The following SH3GL1 variants were observed in gnomAD, a reference collection of about 807,000 sequenced individuals.
SH3GL1 encodes the protein SH3 domain containing GRB2 like 1, endophilin A2.
In SH3GL1, 21 loss-of-function variants were observed where a neutral mutation model predicts 48.8. The ratio of observed to expected loss-of-function variants is 0.43; its 90% CI spans 0.30 to 0.62. The LOEUF (loss-of-function observed/expected upper bound fraction) is 0.62. Among genes scored for constraint, SH3GL1 ranks in the 20% least tolerant of loss-of-function variants. The pLI is 0.11. For synonymous variants in SH3GL1, 282 were observed against 217.5 expected (o/e 1.30, Z -2.61); for missense variants, 454 against 503.0 (o/e 0.90, Z 0.93).
At chr19:4,363,507 A>T in intron 6 of SH3GL1, 34 bp from the exon 7 acceptor site, 1 of 1,578,812 alleles carries the variant, frequency 6.3e-7, no homozygotes, top group Non-Finnish European at 8.7e-7. Context: ...GGCTCCTGCC[A>T]GTGCCACTGT....
In SH3GL1 at chr19:4,361,370, C is replaced by T. The variant is rs1028842259; in HGVS notation, c.*230G>A. 3.7e-5 allele frequency: 20 copies of T among 540,082 alleles called. No homozygotes were observed. The highest frequency in any genetic ancestry group is 2.5e-4 in the African/African-American group (13 of 52,032). The allele number at this position is 540,082 out of a possible 1,614,324, so 33.5% of individuals were successfully genotyped here. A position where few individuals can be genotyped will look rare whatever the true frequency, so the allele number is the denominator to read the frequency against. On this transcript the variant is annotated 3_prime_UTR_variant, in exon 10 of 10. Transcript: ENST00000269886. ...GGCGCCATGGAGTGGGGAAGGGAGC[C>T]GTCACCGTTGGGAGTCAGCGCTAGT... is the stretch of plus-strand genomic sequence containing the variant.
intron 1 of SH3GL1, among the ~76,000 whole-genome samples, chr19:4,372,808 T>C (rs1482715920): frequency 2.0e-5 from 3 of 152,156 alleles, no homozygotes; most frequent in Admixed American, 6.5e-5. Context: ...CCCTTTTCCA[T>C]GTGGGCTCCC....
chr19:4,385,455 T>C (rs1468147505), intron 1 of SH3GL1, among the ~76,000 whole-genome samples: 1 of 152,192 alleles, frequency 6.6e-6, no homozygotes, highest in Non-Finnish European at 1.5e-5. Context: ...GGCGACCCCC[T>C]ACCGGCTCCT....
At chr19:4,391,219 G>C (rs1568421464) in intron 1 of SH3GL1, among the ~76,000 whole-genome samples, 1 of 152,206 alleles carries the variant, frequency 6.6e-6, no homozygotes, top group Non-Finnish European at 1.5e-5. Context: ...GGGTGGCCAG[G>C]GGTGGGGTGA....
chr19:4,381,271 T>A (rs1187095027), intron 1 of SH3GL1, among the ~76,000 whole-genome samples: 2 of 115,080 alleles, frequency 1.7e-5, no homozygotes, highest in Non-Finnish European at 1.8e-5. Context: ...TCCCCCTACC[T>A]CTGTCTCCCG....
intron 1 of SH3GL1, among the ~76,000 whole-genome samples, chr19:4,384,752 G>A (rs532178817): frequency 2.0e-5 from 3 of 152,334 alleles, no homozygotes; most frequent in South Asian, 2.1e-4. Flanking sequence ...ACGCAGCTGC[G>A]GATGCGAGTG....
chr19:4,389,708 TG>T lies in SH3GL1; in HGVS notation c.45+10615del, dbSNP rs1431846313. On this transcript the variant is annotated intron_variant, in intron 1 of 9. Transcript: ENST00000269886. The surrounding 1 kb of genome is among the most constrained non-coding windows in gnomAD (Gnocchi z 4.5). ...CCACGGTGGCCCATCCGTCCTTCCA[TG>T]TGATATTTACCGGCTCCCTGGGGCA... 1.3e-5 allele frequency among the ~76,000 whole-genome samples: 2 copies of T among 152,156 alleles called. No individual in the cohort carries two copies. The highest frequency in any genetic ancestry group is 4.8e-5 in the African/African-American group (2 of 41,436).
At chr19:4,363,590 C>A in intron 6 of SH3GL1, 117 bp from the exon 7 acceptor site, 1 of 1,455,072 alleles carries the variant, frequency 6.9e-7, no homozygotes, top group Non-Finnish European at 9.6e-7. Context: ...GGGACTGGGG[C>A]CCATACCCTC....
chr19:4,391,457 C>T (rs969495413), intron 1 of SH3GL1, among the ~76,000 whole-genome samples: 4 of 152,206 alleles, frequency 2.6e-5, no homozygotes, highest in Admixed American at 6.5e-5. Flanking sequence ...TTGGTGAACA[C>T]GGGATTCTGA....
chr19:4,370,350 G>C (rs974723203), intron 1 of SH3GL1, among the ~76,000 whole-genome samples: 1 of 152,150 alleles, frequency 6.6e-6, no homozygotes, highest in Non-Finnish European at 1.5e-5. Context: ...CTCCGCACTC[G>C]AGTCCATCCC....
At chr19:4,371,554 T>G (rs867134272) in intron 1 of SH3GL1, among the ~76,000 whole-genome samples, 1 of 151,410 alleles carries the variant, frequency 6.6e-6, no homozygotes, top group Non-Finnish European at 1.5e-5. Context: ...CAGGGTTTTG[T>G]TTTTTTTTCT....
intron 1 of SH3GL1, among the ~76,000 whole-genome samples, chr19:4,369,348 A>T (rs1972849697): frequency 6.6e-6 from 1 of 152,232 alleles, no homozygotes; most frequent in African/African-American, 2.4e-5. Context: ...TGAGTGGCTG[A>T]TGTGAGACTG....
intron 2 of SH3GL1, 137 bp downstream of exon 2, chr19:4,366,789 C>T: frequency 1.0e-6 from 1 of 971,468 alleles, no homozygotes; most frequent in Non-Finnish European, 1.7e-6. Context: ...GCCCCCACAC[C>T]ACCCCATCTC....
At chr19:4,386,501 CT>C (rs960946256) in intron 1 of SH3GL1, among the ~76,000 whole-genome samples, 3,016 of 130,766 alleles carry the variant, frequency 0.023, 73 homozygotes, top group African/African-American at 0.08. Context: ...TTCTTTTTCA[CT>C]TTTTTTTTTT....
rs1007435735 is a variant in SH3GL1, at chr19:4,389,707, A to G, written c.45+10617T>C. Reference sequence around the variant, plus strand: ...GCCACGGTGGCCCATCCGTCCTTCCATGTGATATTTACCGGCTCCCTGGGG... The same window carrying G: ...GCCACGGTGGCCCATCCGTCCTTCCGTGTGATATTTACCGGCTCCCTGGGG... On this transcript the variant is annotated intron_variant, in intron 1 of 9. Coordinates refer to ENST00000269886, the MANE Select transcript of SH3GL1 (RefSeq NM_003025.4). This position sits in a 1 kb window ranked among gnomAD's most constrained non-coding sequence, Gnocchi z 4.5. 6.6e-6 allele frequency among the ~76,000 whole-genome samples: 1 copy of G among 152,196 alleles called. No individual in the cohort carries two copies. The highest frequency in any genetic ancestry group is 2.4e-5 in the African/African-American group (1 of 41,438).
intron 3 of SH3GL1, among the ~76,000 whole-genome samples, chr19:4,366,089 T>C: frequency 6.6e-6 from 1 of 152,156 alleles, no homozygotes; most frequent in Non-Finnish European, 1.5e-5. Flanking sequence ...GGAGCCAGCA[T>C]TTGGGTTTTC....
In SH3GL1 at chr19:4,367,013, G is replaced by C. The variant is rs1355807643; in HGVS notation, c.46-19C>G. The stretch of plus-strand genomic sequence containing the variant: ...TGACCAGCTAGAGGACAGAAGAGGG[G>C]AAACGCTGTGAGCCCAGGGGTAGGA... On this transcript the variant is annotated intron_variant, in intron 1 of 9. Coordinates refer to ENST00000269886, the MANE Select transcript of SH3GL1 (RefSeq NM_003025.4). The surrounding 1 kb of genome is among the most constrained non-coding windows in gnomAD (Gnocchi z 4.2). The C allele has an allele frequency of 6.2e-7, 1 of 1,612,350 alleles. No individual in the cohort carries two copies. Among genetic ancestry groups the C allele is most frequent in the East Asian group, 2.2e-5 (1 of 44,870 alleles).
chr19:4,384,744 G>A (rs760749741), intron 1 of SH3GL1, among the ~76,000 whole-genome samples: 2 of 152,344 alleles, frequency 1.3e-5, no homozygotes, highest in Admixed American at 1.3e-4. Context: ...GGAAAGCCAC[G>A]CAGCTGCGGA....
rs1265067829 is a variant in SH3GL1, at chr19:4,367,927, C to T, written c.46-933G>A. Among the ~76,000 whole-genome samples the T allele has an allele frequency of 2.6e-5, 4 of 152,058 alleles. No homozygotes were observed. Among genetic ancestry groups the T allele is most frequent in the Admixed American group, 6.5e-5 (1 of 15,276 alleles). On this transcript the variant is annotated intron_variant, in intron 1 of 9. Coordinates refer to ENST00000269886, the MANE Select transcript of SH3GL1 (RefSeq NM_003025.4). The surrounding 1 kb of genome is among the most constrained non-coding windows in gnomAD (Gnocchi z 4.2). ...GTGTGAGGCCCTTCCCAGCACACAG[C>T]GCTTCATGAAGAGCCGAGTGGCTGC...
Sources: gnomAD v4.1 joint callset for allele counts (sites outside exome capture counted in the v4.1 genomes callset) on GRCh38, gnomAD v4.1.1 for gene constraint, Gnocchi (gnomAD v3.1) non-coding constraint, MANE v1.5 for transcripts, NCBI Gene and HGNC (gene_info 2026-07-23, HGNC 2026-07-21) for gene names.